GRIK1: variants seen among roughly 807,000 people sequenced by gnomAD.
GRIK1 encodes glutamate ionotropic receptor kainate type subunit 1.
In GRIK1, 69 loss-of-function variants were observed where a neutral mutation model predicts 105.7. The observed-to-expected ratio is 0.65, with a 90% CI of 0.54 to 0.80. The LOEUF (loss-of-function observed/expected upper bound fraction) is 0.80, where lower values mean the gene tolerates loss of function less well. GRIK1 is among the 30% of genes least tolerant of loss of function. The pLI is 0.00. For missense variants in GRIK1, 1,109 were observed against 1,167.3 expected, an observed-to-expected ratio of 0.95 and a Z score of 0.73; for synonymous variants, 438 against 431.3, an observed-to-expected ratio of 1.02 and a Z score of -0.19.
intron 1 of GRIK1, among the ~76,000 whole-genome samples, chr21:29,793,052 C>T (rs997873960): frequency 2.0e-5 from 3 of 152,156 alleles, no homozygotes; most frequent in African/African-American, 7.2e-5. Flanking sequence ...ATCTGATCCT[C>T]TCCCTCATAC....
chr21:29,823,429 T>C (rs983929108), intron 1 of GRIK1, among the ~76,000 whole-genome samples: 6 of 151,958 alleles, frequency 3.9e-5, no homozygotes, highest in African/African-American at 1.4e-4. Context: ...GTAAATAAGC[T>C]ATATATTCTT....
chr21:29,690,481 C>T (rs2063564996), intron 2 of GRIK1, among the ~76,000 whole-genome samples: 1 of 152,138 alleles, frequency 6.6e-6, no homozygotes, highest in African/African-American at 2.4e-5. Flanking sequence ...AAAGAAGTTC[C>T]AGGTAAATGA....
intron 1 of GRIK1, among the ~76,000 whole-genome samples, chr21:29,895,581 A>G (rs2070111060): frequency 6.6e-6 from 1 of 152,210 alleles, no homozygotes; most frequent in African/African-American, 2.4e-5. Context: ...CAAGGTGAAC[A>G]GTAACTCCTC....
At chr21:29,708,559 T>G (rs910552756) in intron 1 of GRIK1, among the ~76,000 whole-genome samples, 6 of 152,186 alleles carry the variant, frequency 3.9e-5, no homozygotes, top group Admixed American at 2.6e-4. Context: ...AACATGGGGT[T>G]GGTTGGGGCT....
intron 12 of GRIK1, among the ~76,000 whole-genome samples, chr21:29,584,478 C>G (rs2091089247): frequency 6.6e-6 from 1 of 152,116 alleles, no homozygotes; most frequent in Non-Finnish European, 1.5e-5. Context: ...ACATTGTCAA[C>G]CACAAAACAA....
intron 1 of GRIK1, among the ~76,000 whole-genome samples, chr21:29,836,457 TG>T (rs2067808688): frequency 6.6e-6 from 1 of 152,180 alleles, no homozygotes; most frequent in Non-Finnish European, 1.5e-5. Flanking sequence ...TACTCAACTC[TG>T]GGAAAAGTCC....
At chr21:29,614,292 T>C (rs1043188553) in intron 7 of GRIK1, among the ~76,000 whole-genome samples, 12 of 152,288 alleles carry the variant, frequency 7.9e-5, no homozygotes, top group African/African-American at 2.4e-4. Flanking sequence ...TTTCCAGTGT[T>C]TCAGCATGGC....
intron 4 of GRIK1, among the ~76,000 whole-genome samples, chr21:29,655,402 C>T (rs1233135096): frequency 6.6e-6 from 1 of 151,074 alleles, no homozygotes; most frequent in African/African-American, 2.4e-5. Context: ...GAGGGAAACT[C>T]CGTCTCAAAA....
intron 4 of GRIK1, among the ~76,000 whole-genome samples, chr21:29,655,562 T>C (rs2062832772): frequency 2.0e-5 from 3 of 152,232 alleles, no homozygotes; most frequent in African/African-American, 7.2e-5. Context: ...CTTAGCATAA[T>C]GCCACCCTCA....
At chr21:29,834,906 G>C (rs1325568337) in intron 1 of GRIK1, among the ~76,000 whole-genome samples, 1 of 149,604 alleles carries the variant, frequency 6.7e-6, no homozygotes, top group Non-Finnish European at 1.5e-5. Context: ...GTACTGGAGG[G>C]TTTTTTGTAT....
intron 3 of GRIK1, among the ~76,000 whole-genome samples, chr21:29,677,573 T>C (rs562330671): frequency 6.6e-6 from 1 of 151,350 alleles, no homozygotes; most frequent in Non-Finnish European, 1.5e-5. Flanking sequence ...AGGTGGAGCA[T>C]ATGGAGGAGG....
At chr21:29,651,034 T>C (rs1461536047) in intron 6 of GRIK1, 84 bp downstream of exon 6, 37 of 1,019,054 alleles carry the variant, frequency 3.6e-5, no homozygotes, top group Non-Finnish European at 4.6e-5. Flanking sequence ...AACACTTTTC[T>C]CTAATATTTT....
chr21:29,879,340 C>G (rs534711981), intron 1 of GRIK1, among the ~76,000 whole-genome samples: 1 of 151,812 alleles, frequency 6.6e-6, no homozygotes, highest in African/African-American at 2.4e-5. Context: ...AACTGTGGTA[C>G]CCAGGAGAAG....
intron 1 of GRIK1, among the ~76,000 whole-genome samples, chr21:29,761,997 C>G (rs1307099255): frequency 6.6e-6 from 1 of 152,256 alleles, no homozygotes; most frequent in East Asian, 1.9e-4. Flanking sequence ...ATCCACCTGC[C>G]TTGGCCTCCC....
At chr21:29,560,388 C>CCTTTCTTTCTTT (rs1434125991) in intron 15 of GRIK1, among the ~76,000 whole-genome samples, 1 of 43,584 alleles carries the variant, frequency 2.3e-5, no homozygotes, top group Admixed American at 2.4e-4. Flanking sequence ...TTCCTTCCTT[C>CCTTTCTTTCTTT]CTTCCTTCCT....
At chr21:29,864,256 T>G (rs1465829386) in intron 1 of GRIK1, among the ~76,000 whole-genome samples, 1 of 152,152 alleles carries the variant, frequency 6.6e-6, no homozygotes, top group African/African-American at 2.4e-5. Context: ...AAAGACATAA[T>G]TTCATTATTT....
intron 1 of GRIK1, among the ~76,000 whole-genome samples, chr21:29,858,588 G>T (rs2068537403): frequency 6.6e-6 from 1 of 152,076 alleles, no homozygotes; most frequent in Non-Finnish European, 1.5e-5. Flanking sequence ...GAAATATCAG[G>T]GCAGTTCACA....
intron 1 of GRIK1, among the ~76,000 whole-genome samples, chr21:29,881,625 G>A (rs916988724): frequency 2.0e-5 from 3 of 152,058 alleles, no homozygotes; most frequent in African/African-American, 4.8e-5. Flanking sequence ...AAGTGGTTAA[G>A]GCATGAGTAG....
intron 1 of GRIK1, among the ~76,000 whole-genome samples, chr21:29,845,345 A>AT (rs1264611746): frequency 6.6e-6 from 1 of 152,132 alleles, no homozygotes; most frequent in African/African-American, 2.4e-5. Context: ...TACCAATGCT[A>AT]TTACCATATT....
Sources: allele counts gnomAD v4.1 joint callset (sites outside exome capture counted in the v4.1 genomes callset), GRCh38; gene constraint gnomAD v4.1.1; transcripts MANE v1.5; gene names NCBI Gene and HGNC (gene_info 2026-07-23, HGNC 2026-07-21).